Variants in ACTR3C observed in about 807,000 individuals in gnomAD.
The protein encoded by ACTR3C is actin related protein 3C.
ACTR3C carries 18 observed loss-of-function variants against 26.3 expected under a neutral mutation model. The observed-to-expected ratio is 0.68, with a 90% CI of 0.47 to 1.01. The LOEUF (loss-of-function observed/expected upper bound fraction) is 1.01, where lower values mean the gene tolerates loss of function less well. ACTR3C is among the 50% of genes least tolerant of loss of function. The pLI is 0.00. For synonymous variants in ACTR3C, 55 were observed against 94.5 expected (o/e 0.58, Z 2.42); for missense variants, 184 against 250.7 (o/e 0.73, Z 1.80).
chr7:149,936,378 C>G, the ACTR3C span, among the ~76,000 whole-genome samples: 1 of 152,168 alleles, frequency 6.6e-6, no homozygotes, highest in Non-Finnish European at 1.5e-5. Flanking sequence ...CTCCAGATAA[C>G]CCAAGTGTCC....
At chr7:149,961,686 G>C in the ACTR3C span, among the ~76,000 whole-genome samples, 1 of 152,036 alleles carries the variant, frequency 6.6e-6, no homozygotes, top group Non-Finnish European at 1.5e-5. Context: ...AAATTCACAA[G>C]AAGTGTAGGC....
chr7:150,211,726 C>G, the ACTR3C span, among the ~76,000 whole-genome samples: 2 of 151,588 alleles, frequency 1.3e-5, no homozygotes, highest in African/African-American at 4.9e-5. Context: ...GTGCCCCACT[C>G]AACCAATGCT....
the ACTR3C span, among the ~76,000 whole-genome samples, chr7:149,961,543 GTGAGCTCACAGGAAGTA>G: frequency 2.0e-5 from 3 of 151,900 alleles, no homozygotes; most frequent in African/African-American, 7.3e-5. Context: ...CATAGGAAGT[GTGAGCTCACAGGAAGTA>G]TGGGCTTACA....
the ACTR3C span, among the ~76,000 whole-genome samples, chr7:150,104,933 C>G: frequency 6.6e-6 from 1 of 151,936 alleles, no homozygotes; most frequent in Admixed American, 6.6e-5. Flanking sequence ...TCAGAATTAC[C>G]TTTTCTCAAT....
At chr7:150,318,821 C>A (rs1224331556) in intron 1 of ACTR3C, among the ~76,000 whole-genome samples, 1 of 152,110 alleles carries the variant, frequency 6.6e-6, no homozygotes, top group Admixed American at 6.5e-5. Flanking sequence ...GCCCGTGAGC[C>A]CAAAAATTTG....
the ACTR3C span, among the ~76,000 whole-genome samples, chr7:150,129,187 G>A: frequency 6.6e-6 from 1 of 151,998 alleles, no homozygotes; most frequent in Non-Finnish European, 1.5e-5. Flanking sequence ...GAAGTGCTAA[G>A]AGGAAATTTA....
the ACTR3C span, among the ~76,000 whole-genome samples, chr7:150,145,011 T>C: frequency 2.3e-4 from 34 of 150,376 alleles, no homozygotes; most frequent in South Asian, 6.3e-4. Context: ...GATGGCACCA[T>C]TGCACTCCAG....
the ACTR3C span, among the ~76,000 whole-genome samples, chr7:150,175,835 AG>A: frequency 0.053 from 7,282 of 138,534 alleles, 266 homozygotes; most frequent in South Asian, 0.12. Context: ...AAAAAAAAAA[AG>A]AAAGAAAGGA....
At chr7:150,278,375 G>A (rs935686125) in intron 6 of ACTR3C, among the ~76,000 whole-genome samples, 8 of 152,242 alleles carry the variant, frequency 5.3e-5, no homozygotes, top group Non-Finnish European at 8.8e-5. Context: ...CAGGGGCTCA[G>A]TGGCCACCCT....
At chr7:150,235,009 A>G in the ACTR3C span, among the ~76,000 whole-genome samples, 1 of 152,232 alleles carries the variant, frequency 6.6e-6, no homozygotes, top group Non-Finnish European at 1.5e-5. Flanking sequence ...TGTTTTCAGC[A>G]TAACTGCAGA....
chr7:150,091,945 G>A, the ACTR3C span, among the ~76,000 whole-genome samples: 1 of 114,418 alleles, frequency 8.7e-6, no homozygotes, highest in Non-Finnish European at 1.7e-5. Flanking sequence ...CCGAGATCGC[G>A]CCACTGCACT....
At chr7:150,012,315 A>ATTTTTTTTTTTTTT in the ACTR3C span, among the ~76,000 whole-genome samples, 16 of 91,974 alleles carry the variant, frequency 1.7e-4, no homozygotes, top group African/African-American at 5.9e-4. Flanking sequence ...TTATAAATGC[A>ATTTTTTTTTTTTTT]TCTTTTTTTT....
At chr7:149,987,931 G>T in the ACTR3C span, among the ~76,000 whole-genome samples, 1 of 152,110 alleles carries the variant, frequency 6.6e-6, no homozygotes, top group African/African-American at 2.4e-5. Flanking sequence ...AAAAGAAAAA[G>T]AACATTTTCA....
the ACTR3C span, among the ~76,000 whole-genome samples, chr7:150,042,372 C>T: frequency 1.5e-5 from 2 of 132,242 alleles, no homozygotes; most frequent in Admixed American, 1.4e-4. Flanking sequence ...GATGGGGGTC[C>T]TAAGAGCAAA....
chr7:150,198,790 T>C, the ACTR3C span, among the ~76,000 whole-genome samples: 1 of 118,122 alleles, frequency 8.5e-6, no homozygotes, highest in Non-Finnish European at 1.6e-5. Context: ...AGCCGTGCCG[T>C]CCGGGAGGGA....
At chr7:150,194,674 TTTCA>T in the ACTR3C span, among the ~76,000 whole-genome samples, 3 of 152,206 alleles carry the variant, frequency 2.0e-5, no homozygotes, top group Non-Finnish European at 4.4e-5. Flanking sequence ...TGCTTATTGT[TTTCA>T]TTGTTTCATT....
At chr7:149,956,788 A>T in the ACTR3C span, among the ~76,000 whole-genome samples, 1 of 152,134 alleles carries the variant, frequency 6.6e-6, no homozygotes, top group African/African-American at 2.4e-5. Flanking sequence ...GGGGCTGGAT[A>T]GAAGCAGGAG....
chr7:150,073,983 C>G, the ACTR3C span: 1 of 152,208 alleles, frequency 6.6e-6, no homozygotes, highest in Non-Finnish European at 1.5e-5. Context: ...TTAAACTCAC[C>G]AAGGACACTT....
At chr7:149,882,856 GCTGT>G in the ACTR3C span, among the ~76,000 whole-genome samples, 10 of 152,240 alleles carry the variant, frequency 6.6e-5, no homozygotes, top group African/African-American at 2.4e-4. Flanking sequence ...ATTACAAAGG[GCTGT>G]CTGTGTTATT....
Sources: gnomAD v4.1 joint callset for allele counts (sites outside exome capture counted in the v4.1 genomes callset) on GRCh38, gnomAD v4.1.1 for gene constraint, MANE v1.5 for transcripts, NCBI Gene and HGNC (gene_info 2026-07-23, HGNC 2026-07-21) for gene names.